Variants in PRPF18 observed in about 807,000 individuals in gnomAD.
PRPF18 encodes pre-mRNA-splicing factor 18.
In PRPF18, 38 loss-of-function variants were observed where a neutral mutation model predicts 46.5. The ratio of observed to expected loss-of-function variants is 0.82; its 90% CI spans 0.63 to 1.07. The LOEUF is 1.07. Among genes scored for constraint, PRPF18 ranks in the 50% least tolerant of loss-of-function variants. The pLI is 0.00. For missense variants in PRPF18, 263 were observed against 410.0 expected, an observed-to-expected ratio of 0.64 and a Z score of 3.10; for synonymous variants, 152 against 146.7, an observed-to-expected ratio of 1.04 and a Z score of -0.26.
At chr10:13,611,987 C>G (rs1163366806) in intron 6 of PRPF18, among the ~76,000 whole-genome samples, 1 of 150,824 alleles carries the variant, frequency 6.6e-6, no homozygotes, top group Non-Finnish European at 1.5e-5. Context: ...TCAAGTGATT[C>G]TCCTGCCTCA....
rs1216940793 is a variant in PRPF18 at position 13,605,687 on chromosome 10, T to G, written c.306T>G (p.Asp102Glu). Residue 102 changes from aspartate (D) to glutamate (E), a missense_variant, in exon 4 of 10, where the codon GAT becomes GAG. By Grantham distance (45) the Asp-to-Glu change is conservative. Around this residue, in one of 4 missense-constraint regions of PRPF18, gnomAD observed 155 missense variants for 245.1 expected, o/e 0.63. Transcript: ENST00000378572. ...CAATCAGACTATTTGGAGAGACTGA[T>G]TATGATGCTTTTCAACGTTTAAGGA... ...GEPIRLFGET[D>E]YDAFQRLRKI... 3.1e-6 allele frequency: 5 copies of G among 1,613,552 alleles called. No individual in the cohort carries two copies. Among genetic ancestry groups the G allele is most frequent in the Non-Finnish European group, 4.2e-6 (5 of 1,179,874 alleles).
At chr10:13,619,530 G>C (rs990187887) in intron 9 of PRPF18, among the ~76,000 whole-genome samples, 5 of 152,104 alleles carry the variant, frequency 3.3e-5, no homozygotes, top group Admixed American at 2.0e-4. Context: ...ATTTTCCCTA[G>C]AGGCCATTGC....
chr10:13,615,381 G>A (rs11258475), intron 8 of PRPF18, among the ~76,000 whole-genome samples: 7,115 of 152,242 alleles, frequency 0.047, 494 homozygotes, highest in African/African-American at 0.15. Flanking sequence ...AAATATTGCA[G>A]TTTTTATCAG....
At chr10:13,599,996 G>T (rs577653450) in intron 2 of PRPF18, among the ~76,000 whole-genome samples, 3 of 152,170 alleles carry the variant, frequency 2.0e-5, no homozygotes, top group Non-Finnish European at 4.4e-5. Flanking sequence ...CGTGGTAGTC[G>T]TGTCACTCTT....
intron 8 of PRPF18, among the ~76,000 whole-genome samples, chr10:13,614,835 G>C (rs1362147374): frequency 6.6e-6 from 1 of 152,192 alleles, no homozygotes; most frequent in East Asian, 1.9e-4. Flanking sequence ...GTTTGAGGGA[G>C]GCTTCTTGTG....
chr10:13,633,734 C>T (rs1002350684), downstream of PRPF18, among the ~76,000 whole-genome samples: 1 of 152,172 alleles, frequency 6.6e-6, no homozygotes. Flanking sequence ...CCTCCTCCTT[C>T]CCCCAGTATA....
At chr10:13,621,099 G>T (rs1325694112) in intron 9 of PRPF18, among the ~76,000 whole-genome samples, 1 of 152,202 alleles carries the variant, frequency 6.6e-6, no homozygotes, top group Non-Finnish European at 1.5e-5. Flanking sequence ...ATCATTCCCA[G>T]ATAGCTCTTG....
the PRPF18 span, chr10:13,648,062 A>G: frequency 3.9e-5 from 6 of 152,136 alleles, no homozygotes; most frequent in African/African-American, 1.4e-4. Flanking sequence ...CCAGCTTTCT[A>G]TTTCATTTGC....
At chr10:13,644,144 T>A in the PRPF18 span, 1 of 152,486 alleles carries the variant, frequency 6.6e-6, no homozygotes, top group African/African-American at 2.4e-5. Context: ...CTGCATATAA[T>A]AAAATAAAAA....
intron 1 of PRPF18, chr10:13,591,526 CT>C: frequency 1.4e-6 from 1 of 723,382 alleles, no homozygotes; most frequent in Non-Finnish European, 2.6e-6. Flanking sequence ...AGTCCTGGAG[CT>C]TAGGAATAGC....
At chr10:13,611,368 C>A (rs182865222) in intron 5 of PRPF18, among the ~76,000 whole-genome samples, 1 of 152,150 alleles carries the variant, frequency 6.6e-6, no homozygotes, top group African/African-American at 2.4e-5. Context: ...TTTTGGTTCC[C>A]CCAAAAAGAA....
the PRPF18 span, among the ~76,000 whole-genome samples, chr10:13,650,523 A>AC: frequency 6.6e-6 from 1 of 152,158 alleles, no homozygotes; most frequent in South Asian, 2.1e-4. Context: ...TGTCAGCCCT[A>AC]TCTCCATCAC....
rs2080583366 is a variant in PRPF18, at chr10:13,630,822, T to G, written c.*482T>G. 6.6e-6 allele frequency: 1 copy of G among 152,222 alleles called. No individual in the cohort carries two copies. 9.4% of individuals were successfully genotyped at this position (152,222 alleles called of 1,614,324 possible). A position where few individuals can be genotyped will look rare whatever the true frequency, so the allele number is the denominator to read the frequency against. ...TTATAGTCCTTAAATGTTGCTGAAC[T>G]TTTGCTGTCTTGCAATAGAATTTGA... On this transcript the variant is annotated 3_prime_UTR_variant, in exon 10 of 10. Transcript: ENST00000378572.
chr10:13,587,963 G>C (rs1239049516), intron 1 of PRPF18, among the ~76,000 whole-genome samples: 1 of 152,088 alleles, frequency 6.6e-6, no homozygotes, highest in Non-Finnish European at 1.5e-5. Flanking sequence ...AGGAAAACCC[G>C]AGGCTTTGTT....
chr10:13,652,366 G>A, the PRPF18 span: 2 of 216,530 alleles, frequency 9.2e-6, no homozygotes, highest in African/African-American at 4.6e-5. Context: ...TTCGGAGCCT[G>A]TTGACAGCCA....
Position 13,615,914 on chromosome 10 carries a change from C to G in PRPF18, c.793-484C>G, listed in dbSNP as rs538738054. 8.5e-5 allele frequency among the ~76,000 whole-genome samples: 13 copies of G among 152,296 alleles called. No individual in the cohort carries two copies. In the East Asian group the frequency reaches 2.3e-3, roughly 27 times the overall value. On this transcript the variant is annotated intron_variant, in intron 8 of 9. Coordinates refer to ENST00000378572, the MANE Select transcript of PRPF18 (RefSeq NM_003675.4). ...GACCCTGTGTGGTCGTCGGCACATACTGAGCCCCCACTTCCTTCAGAGAGC... is the reference window on the plus strand; with the variant it reads ...GACCCTGTGTGGTCGTCGGCACATAGTGAGCCCCCACTTCCTTCAGAGAGC...
chr10:13,624,047 T>C (rs7093623), intron 9 of PRPF18, among the ~76,000 whole-genome samples: 52,756 of 152,136 alleles, frequency 0.35, 10,171 homozygotes, highest in East Asian at 0.78. Flanking sequence ...TGCAGTGGCA[T>C]GATCTTGGCT....
Position 13,597,549 on chromosome 10 carries a change from C to G in PRPF18, c.144+14C>G, listed in dbSNP as rs936961492. ...TGTGGCTACAAGGTATGAATGTCTG[C>G]TTTTATGTTAAATTGTACATTTCTG... On this transcript the variant is annotated intron_variant, in intron 2 of 9. Transcript: ENST00000378572. 19 of 1,605,152 alleles carry G rather than the reference C, an allele frequency of 1.2e-5. No homozygotes were observed. The highest frequency in any genetic ancestry group is 1.5e-5 in the Non-Finnish European group (18 of 1,174,838).
intron 9 of PRPF18, among the ~76,000 whole-genome samples, chr10:13,618,398 CG>C (rs1055832173): frequency 3.6e-4 from 55 of 151,960 alleles, no homozygotes; most frequent in African/African-American, 1.2e-3. Context: ...GTGGCTGTGG[CG>C]GGAAGATTGC....
Sources: allele counts gnomAD v4.1 joint callset (sites outside exome capture counted in the v4.1 genomes callset), GRCh38; gene constraint gnomAD v4.1.1; regional missense constraint gnomAD v4.1.1; transcripts MANE v1.5; gene names NCBI Gene and HGNC (gene_info 2026-07-23, HGNC 2026-07-21).